The following PGM5 variants were observed in gnomAD, a reference collection of about 807,000 sequenced individuals.
PGM5 encodes the protein phosphoglucomutase-like protein 5.
Under a neutral mutation model 59.2 loss-of-function variants are expected in PGM5, and 23 were observed. The ratio of observed to expected loss-of-function variants is 0.39; its 90% CI spans 0.28 to 0.55. PGM5 has a LOEUF of 0.55. Among genes scored for constraint, PGM5 ranks in the 20% least tolerant of loss-of-function variants. The probability of loss-of-function intolerance (pLI) is 0.66; values close to 1 mark genes in which losing one functional copy is unlikely to be tolerated. For synonymous variants in PGM5, 214 were observed against 286.0 expected (o/e 0.75, Z 2.54); for missense variants, 574 against 748.3 (o/e 0.77, Z 2.72).
intron 6 of PGM5, among the ~76,000 whole-genome samples, chr9:68,442,328 G>T (rs1334527099): frequency 6.6e-6 from 1 of 152,022 alleles, no homozygotes; most frequent in African/African-American, 2.4e-5. Flanking sequence ...CTTGTTGCTG[G>T]GGCTGGAGTG....
chr9:68,518,988 TAAAATTGCAG>T (rs1319692941), intron 10 of PGM5, among the ~76,000 whole-genome samples: 4 of 152,236 alleles, frequency 2.6e-5, no homozygotes, highest in Non-Finnish European at 5.9e-5. Flanking sequence ...CACATCAGGC[TAAAATTGCAG>T]AAAATCAAAG....
At position 68,404,861 on chromosome 9, in the gene PGM5, C is replaced by T. The variant is rs1448121748; in HGVS notation, c.1043+12388C>T. The T allele has an allele frequency of 2.0e-5, 3 of 152,276 alleles. No individual in the cohort carries two copies. The East Asian group carries it at 5.8e-4, about 29-fold the overall frequency. 9.4% of individuals were successfully genotyped at this position (152,276 alleles called of 1,614,324 possible). On this transcript the variant is annotated intron_variant, in intron 6 of 10. Transcript: ENST00000396396. ...TAGAGAAAACTAGCTGAAATGGGGCCTAAATAGCAAAAGGAATGTGTTGGC... is the reference window on the plus strand; with the variant it reads ...TAGAGAAAACTAGCTGAAATGGGGCTTAAATAGCAAAAGGAATGTGTTGGC...
chr9:68,466,015 T>G, intron 7 of PGM5: 1 of 537,642 alleles, frequency 1.9e-6, no homozygotes, highest in Non-Finnish European at 2.9e-6. Flanking sequence ...AGCTATTATT[T>G]TTTCAAATAT....
chr9:68,483,714 T>G lies in PGM5; in HGVS notation c.1296-151T>G, dbSNP rs782634499. The stretch of plus-strand genomic sequence containing the variant: ...TGGCCGCTGTATGGGGAATGGACTG[T>G]AAGGGTCAGATGAAAGAGGGGAGAT... On this transcript the variant is annotated intron_variant, in intron 8 of 10. Transcript: ENST00000396396. The G allele has an allele frequency of 3.9e-5, 25 of 648,908 alleles. 1 individual carries two copies. The highest frequency in any genetic ancestry group is 6.8e-5 in the Non-Finnish European group (25 of 370,268). 40.2% of individuals were successfully genotyped at this position (648,908 alleles called of 1,614,324 possible).
At chr9:68,454,382 A>C (rs1185192393) in intron 6 of PGM5, among the ~76,000 whole-genome samples, 2 of 152,132 alleles carry the variant, frequency 1.3e-5, no homozygotes, top group Non-Finnish European at 2.9e-5. Flanking sequence ...TGTGCCATCA[A>C]TTCTGTTGGG....
chr9:68,406,088 TG>T (rs1324979222), intron 6 of PGM5: 2 of 152,150 alleles, frequency 1.3e-5, no homozygotes, highest in Non-Finnish European at 2.9e-5. Flanking sequence ...TGTACTCAAA[TG>T]AGCTCATGTA....
chr9:68,408,983 G>T (rs1554681395), intron 6 of PGM5, among the ~76,000 whole-genome samples: 2 of 152,060 alleles, frequency 1.3e-5, no homozygotes, highest in Non-Finnish European at 2.9e-5. Context: ...CTGTAGGCTT[G>T]TAGTATAGTT....
chr9:68,448,703 C>T (rs1178437648), intron 6 of PGM5, among the ~76,000 whole-genome samples: 2 of 152,162 alleles, frequency 1.3e-5, no homozygotes, highest in African/African-American at 4.8e-5. Context: ...AATAGGCACC[C>T]CTCAAGCCCT....
intron 7 of PGM5, among the ~76,000 whole-genome samples, chr9:68,478,398 ACTT>A (rs1462476168): frequency 6.6e-6 from 1 of 152,070 alleles, no homozygotes; most frequent in Admixed American, 6.5e-5. Context: ...GGCATGTCTG[ACTT>A]CTTCTCAGGG....
chr9:68,474,388 G>A (rs947273153), intron 7 of PGM5, among the ~76,000 whole-genome samples: 2 of 152,110 alleles, frequency 1.3e-5, no homozygotes, highest in African/African-American at 4.8e-5. Flanking sequence ...GTCCATACTG[G>A]TGTTTCCATG....
chr9:68,512,383 T>G (rs782802997), intron 10 of PGM5, among the ~76,000 whole-genome samples: 5 of 152,214 alleles, frequency 3.3e-5, no homozygotes, highest in Non-Finnish European at 7.3e-5. Flanking sequence ...ATTAGTTTGC[T>G]AGGGCTGATA....
At chr9:68,496,418 C>T (rs1554688158) in intron 9 of PGM5, among the ~76,000 whole-genome samples, 1 of 152,194 alleles carries the variant, frequency 6.6e-6, no homozygotes, top group Admixed American at 6.5e-5. Context: ...CCTTACATTC[C>T]ATGTGGAGAA....
intron 1 of PGM5, among the ~76,000 whole-genome samples, chr9:68,364,063 A>T (rs1310254263): frequency 6.6e-6 from 1 of 152,216 alleles, no homozygotes; most frequent in Non-Finnish European, 1.5e-5. Flanking sequence ...GCCAAGAGAA[A>T]ATGTATTTGT....
chr9:68,526,431 G>A (rs1313557058), intron 10 of PGM5, among the ~76,000 whole-genome samples: 1 of 152,192 alleles, frequency 6.6e-6, no homozygotes, highest in Non-Finnish European at 1.5e-5. Flanking sequence ...ACAGAAGAAG[G>A]GACAAGTGCT....
At chr9:68,459,977 A>G (rs1823833286) in intron 6 of PGM5, among the ~76,000 whole-genome samples, 1 of 152,180 alleles carries the variant, frequency 6.6e-6, no homozygotes, top group Non-Finnish European at 1.5e-5. Flanking sequence ...TGAGGGTCTT[A>G]AAAGGGGTCT....
intron 6 of PGM5, chr9:68,396,298 G>A (rs1214156495): frequency 6.6e-6 from 1 of 152,172 alleles, no homozygotes; most frequent in Non-Finnish European, 1.5e-5. Flanking sequence ...TTGAAACTAG[G>A]TCTTCTGATA....
chr9:68,518,019 G>A (rs1429021855), intron 10 of PGM5, among the ~76,000 whole-genome samples: 6 of 152,222 alleles, frequency 3.9e-5, no homozygotes, highest in African/African-American at 1.4e-4. Context: ...AGGTCCAGGT[G>A]GAGGAGGATC....
intron 6 of PGM5, among the ~76,000 whole-genome samples, chr9:68,401,187 C>T (rs1455443434): frequency 1.3e-5 from 2 of 152,070 alleles, no homozygotes; most frequent in East Asian, 3.9e-4. Flanking sequence ...GTGGTTAAAT[C>T]CTCTTGGAAA....
intron 6 of PGM5, among the ~76,000 whole-genome samples, chr9:68,445,252 C>T (rs1057409580): frequency 4.6e-5 from 7 of 152,040 alleles, no homozygotes; most frequent in Non-Finnish European, 1.0e-4. Context: ...AGGGCCCCAT[C>T]CCCAGAGATT....
Sources: gnomAD v4.1 joint callset for allele counts (sites outside exome capture counted in the v4.1 genomes callset) on GRCh38, gnomAD v4.1.1 for gene constraint, MANE v1.5 for transcripts, NCBI Gene and HGNC (gene_info 2026-07-23, HGNC 2026-07-21) for gene names.